The following ERBB4 variants were observed in gnomAD, a reference collection of about 807,000 sequenced individuals.
The protein encoded by ERBB4 is receptor tyrosine-protein kinase erbB-4.
A neutral mutation model predicts 158.0 loss-of-function variants in ERBB4; 42 were observed. That is an observed-to-expected ratio of 0.27 (90% CI 0.21 to 0.34). The LOEUF is 0.34. Ranked by LOEUF, ERBB4 falls within the 10% of genes least tolerant of loss-of-function variation. The pLI is 1.00. For synonymous variants in ERBB4, 583 were observed against 558.7 expected (o/e 1.04, Z -0.61); for missense variants, 1,333 against 1,624.1 (o/e 0.82, Z 3.08).
intron 20 of ERBB4, among the ~76,000 whole-genome samples, chr2:211,449,159 G>T (rs2064181898): frequency 6.6e-6 from 1 of 151,998 alleles, no homozygotes; most frequent in Admixed American, 6.6e-5. Flanking sequence ...ATTCCTATCA[G>T]AACCTTTTGG....
At chr2:211,981,101 C>A (rs966824372) in intron 2 of ERBB4, among the ~76,000 whole-genome samples, 2 of 151,940 alleles carry the variant, frequency 1.3e-5, no homozygotes, top group Non-Finnish European at 2.9e-5. Flanking sequence ...TCTACAGAAA[C>A]CACTTAACCA....
At chr2:211,861,783 G>C (rs2078062409) in intron 3 of ERBB4, among the ~76,000 whole-genome samples, 1 of 152,120 alleles carries the variant, frequency 6.6e-6, no homozygotes, top group Non-Finnish European at 1.5e-5. Flanking sequence ...AAACAACTCA[G>C]TGGATGAAAT....
chr2:211,735,834 A>G (rs1575071334), intron 5 of ERBB4, among the ~76,000 whole-genome samples: 1 of 151,954 alleles, frequency 6.6e-6, no homozygotes, highest in East Asian at 1.9e-4. Flanking sequence ...CTCCTCATAG[A>G]ACACGTTTGG....
chr2:212,315,662 T>A (rs1332638543), intron 1 of ERBB4, among the ~76,000 whole-genome samples: 1 of 145,634 alleles, frequency 6.9e-6, no homozygotes, highest in Non-Finnish European at 1.5e-5. Flanking sequence ...GAAAGCACAG[T>A]TGCTTTGGTT....
At chr2:212,056,727 C>T (rs1041394580) in intron 2 of ERBB4, among the ~76,000 whole-genome samples, 1 of 152,122 alleles carries the variant, frequency 6.6e-6, no homozygotes, top group African/African-American at 2.4e-5. Flanking sequence ...CAAGCAAATG[C>T]TGAGAGATTT....
chr2:212,081,890 C>T (rs1347572159), intron 2 of ERBB4, among the ~76,000 whole-genome samples: 2 of 152,072 alleles, frequency 1.3e-5, no homozygotes, highest in South Asian at 2.1e-4. Context: ...AATTATAAAG[C>T]ACTTCACCTA....
intron 16 of ERBB4, among the ~76,000 whole-genome samples, chr2:211,651,120 C>T (rs73988631): frequency 0.023 from 3,450 of 152,228 alleles, 148 homozygotes; most frequent in African/African-American, 0.079. Context: ...CACCTGGAAC[C>T]AACATGGACA....
At chr2:211,835,404 T>G (rs933039377) in intron 3 of ERBB4, among the ~76,000 whole-genome samples, 1 of 130,480 alleles carries the variant, frequency 7.7e-6, no homozygotes, top group East Asian at 2.4e-4. Flanking sequence ...ACTTGAAGTT[T>G]TATGTGTTCA....
intron 1 of ERBB4, among the ~76,000 whole-genome samples, chr2:212,379,422 T>C (rs778834860): frequency 5.3e-5 from 8 of 151,626 alleles, no homozygotes; most frequent in Non-Finnish European, 1.2e-4. Context: ...AAATTTGTAA[T>C]GTACCATATA....
intron 2 of ERBB4, among the ~76,000 whole-genome samples, chr2:212,087,776 A>T (rs561221739): frequency 2.6e-4 from 39 of 152,250 alleles, no homozygotes; most frequent in African/African-American, 9.1e-4. Context: ...CTACATTTTT[A>T]AGGACAAAGA....
chr2:212,432,750 T>G (rs965113846), intron 1 of ERBB4, among the ~76,000 whole-genome samples: 5 of 152,130 alleles, frequency 3.3e-5, no homozygotes, highest in African/African-American at 1.2e-4. Context: ...ACAGAAGTTG[T>G]GAAAGGTGAA....
chr2:211,540,355 G>C (rs1021403959), intron 20 of ERBB4, among the ~76,000 whole-genome samples: 7 of 151,936 alleles, frequency 4.6e-5, no homozygotes, highest in African/African-American at 1.7e-4. Context: ...TCTGGTAGGG[G>C]AGAGCAACTC....
intron 1 of ERBB4, among the ~76,000 whole-genome samples, chr2:212,353,858 T>G (rs1256051415): frequency 1.3e-5 from 2 of 152,118 alleles, no homozygotes; most frequent in Non-Finnish European, 2.9e-5. Context: ...CAGAAATAAC[T>G]GTTGTAACTT....
intron 3 of ERBB4, among the ~76,000 whole-genome samples, chr2:211,835,588 T>C (rs2077323743): frequency 6.6e-6 from 1 of 152,068 alleles, no homozygotes; most frequent in Non-Finnish European, 1.5e-5. Flanking sequence ...AATAGAGTCA[T>C]GGTTAATTTG....
chr2:211,692,151 CTG>C (rs1040000867), intron 12 of ERBB4, among the ~76,000 whole-genome samples: 1 of 152,160 alleles, frequency 6.6e-6, no homozygotes, highest in Non-Finnish European at 1.5e-5. Flanking sequence ...TTCATAAACT[CTG>C]TGAATGCTCT....
chr2:212,120,510 T>G (rs1390689032), intron 2 of ERBB4, among the ~76,000 whole-genome samples: 1 of 152,218 alleles, frequency 6.6e-6, no homozygotes, highest in African/African-American at 2.4e-5. Flanking sequence ...ACTGTCTTAG[T>G]CATAAATGTT....
At chr2:211,948,747 A>G (rs938365671) in intron 2 of ERBB4, among the ~76,000 whole-genome samples, 3 of 151,934 alleles carry the variant, frequency 2.0e-5, no homozygotes, top group Non-Finnish European at 4.4e-5. Context: ...AACCCTTTTC[A>G]TTTCAGATGC....
intron 2 of ERBB4, among the ~76,000 whole-genome samples, chr2:212,089,203 G>C (rs1336706190): frequency 6.6e-6 from 1 of 151,848 alleles, no homozygotes; most frequent in African/African-American, 2.4e-5. Flanking sequence ...TTTTAAAATT[G>C]ACTTCATAAT....
intron 25 of ERBB4, among the ~76,000 whole-genome samples, chr2:211,416,813 C>CTTT (rs60021795): frequency 7.0e-5 from 10 of 142,138 alleles, no homozygotes; most frequent in African/African-American, 1.3e-4. Context: ...GAAGCCTTCC[C>CTTT]TTTTTTTTTT....
Sources: gnomAD v4.1 joint callset for allele counts (sites outside exome capture counted in the v4.1 genomes callset) on GRCh38, gnomAD v4.1.1 for gene constraint, MANE v1.5 for transcripts, NCBI Gene and HGNC (gene_info 2026-07-23, HGNC 2026-07-21) for gene names.